Variants in CFAP99 observed in about 807,000 individuals in gnomAD.
The protein encoded by CFAP99 is cilia- and flagella-associated protein 99.
A neutral mutation model predicts 82.7 loss-of-function variants in CFAP99; 84 were observed. The observed-to-expected ratio is 1.02, with a 90% CI of 0.85 to 1.22. The LOEUF is 1.22. Among genes scored for constraint, CFAP99 ranks in the 50% most tolerant of loss-of-function variants. The pLI is 0.00. For missense variants in CFAP99, 1,059 were observed against 983.5 expected (o/e 1.08, Z -1.03); for synonymous variants, 456 against 429.5 (o/e 1.06, Z -0.76).
exon 2 of CFAP99, chr4:2,426,460 C>T: frequency 1.3e-6 from 2 of 1,518,810 alleles, no homozygotes; most frequent in Non-Finnish European, 8.8e-7. Flanking sequence ...TGTTCTTAGG[C>T]TTCTGCCCTA....
chr4:2,423,922 G>A (rs1410696183), intron 1 of CFAP99, among the ~76,000 whole-genome samples: 8 of 152,238 alleles, frequency 5.3e-5, no homozygotes, highest in Admixed American at 5.2e-4. Context: ...CCCAGGGCAG[G>A]CTCCCGGGCA....
intron 2 of CFAP99, among the ~76,000 whole-genome samples, chr4:2,431,228 G>A (rs2108714223): frequency 6.6e-6 from 1 of 151,854 alleles, no homozygotes; most frequent in South Asian, 2.1e-4. Context: ...AATTAGCCAG[G>A]CATGGTGGCG....
intron 11 of CFAP99, among the ~76,000 whole-genome samples, chr4:2,455,238 A>T (rs1036347081): frequency 6.6e-6 from 1 of 152,276 alleles, no homozygotes; most frequent in African/African-American, 2.4e-5. Flanking sequence ...ATCCTTTATA[A>T]TAGATTGTTG....
chr4:2,443,616 G>A (rs1560384263), intron 5 of CFAP99, among the ~76,000 whole-genome samples: 3 of 152,208 alleles, frequency 2.0e-5, no homozygotes, highest in Non-Finnish European at 4.4e-5. Flanking sequence ...TAGTCCTGTG[G>A]GGACTCTGCA....
rs931261371 is a variant in CFAP99 at position 2,449,530 on chromosome 4, C to T, written c.643-140C>T. The T allele has an allele frequency of 5.5e-6, 4 of 720,922 alleles. No individual in the cohort carries two copies. In the African/African-American group the frequency reaches 7.0e-5, roughly 13 times the overall value. 44.7% of individuals were successfully genotyped at this position (720,922 alleles called of 1,614,324 possible). On this transcript the variant is annotated intron_variant, in intron 6 of 14. Coordinates refer to ENST00000635017, the Ensembl canonical transcript of CFAP99. ...CACCAGCACCCGGTGGTGTTAGCTC[C>T]AGCCCTGTTTCTCCTCCAATGCAGG... is the stretch of plus-strand genomic sequence containing the variant.
chr4:2,450,983 C>A (rs1417042135), exon 9 of CFAP99: 1 of 1,536,028 alleles, frequency 6.5e-7, no homozygotes, highest in Admixed American at 2.0e-5. Context: ...GTTCCCACCC[C>A]GAATCCGAAA....
At chr4:2,422,309 A>C (rs1733601334) in intron 1 of CFAP99, among the ~76,000 whole-genome samples, 1 of 152,178 alleles carries the variant, frequency 6.6e-6, no homozygotes, top group South Asian at 2.1e-4. Flanking sequence ...ACAGTGAACC[A>C]GGGTTCCAGG....
At position 2,462,543 on chromosome 4, in the gene CFAP99, C is replaced by G; in HGVS notation, c.1762C>G (p.Arg588Gly). 6.8e-7 allele frequency: 1 copy of G among 1,468,044 alleles called. No individual in the cohort carries two copies. The highest frequency in any genetic ancestry group is 9.0e-7 in the Non-Finnish European group (1 of 1,117,182). The allele number at this position is 1,468,044 out of a possible 1,614,324, so 90.9% of individuals were successfully genotyped here. A position where few individuals can be genotyped will look rare whatever the true frequency, so the allele number is the denominator to read the frequency against. ...CAGGATCTCGGAGAGGGCGGCCGAG[C>G]GCAGCAGGCAGGCGGCCTTGCTGCA... is the stretch of plus-strand genomic sequence containing the variant. Residue 588 changes from arginine (R) to glycine (G), a missense_variant, in exon 15 of 15, where the codon CGC (arginine) becomes GGC (glycine). Transcript: ENST00000635017. The surrounding 1 kb of genome is among the most constrained non-coding windows in gnomAD (Gnocchi z 4.1).
intron 13 of CFAP99, among the ~76,000 whole-genome samples, chr4:2,459,783 A>T (rs1382550569): frequency 6.6e-6 from 1 of 152,128 alleles, no homozygotes; most frequent in Non-Finnish European, 1.5e-5. Flanking sequence ...GGCTGGGGAG[A>T]TAGTCATGAG....
rs1239043744 is a variant in CFAP99 at position 2,426,441 on chromosome 4, T to C, written c.-17-18T>C. 6.8e-7 allele frequency: 1 copy of C among 1,480,426 alleles called. No individual in the cohort carries two copies. Among genetic ancestry groups the C allele is most frequent in the Non-Finnish European group, 9.1e-7 (1 of 1,096,524 alleles). The allele number at this position is 1,480,426 out of a possible 1,614,324, so 91.7% of individuals were successfully genotyped here. A position where few individuals can be genotyped will look rare whatever the true frequency, so the allele number is the denominator to read the frequency against. ...CATCCCAGGTGTGGAGGGCGTGACC[T>C]GCACGGTTTGTTCTTAGGCTTCTGC... On this transcript the variant is annotated intron_variant, in intron 1 of 14. Transcript: ENST00000635017.
rs1364599149 is a variant in CFAP99 at position 2,445,138 on chromosome 4, C to T, written c.472C>T (p.Pro158Ser). 15 of 1,358,126 alleles carry T rather than the reference C, an allele frequency of 1.1e-5. No individual in the cohort carries two copies. The East Asian group carries it at 4.1e-4, about 37-fold the overall frequency. 84.1% of individuals were successfully genotyped at this position (1,358,126 alleles called of 1,614,324 possible). A position where few individuals can be genotyped will look rare whatever the true frequency, so the allele number is the denominator to read the frequency against. ...TCCACTTTTGCCTTCAAGATGGCAG[C>T]CAGAGGTCCAGGAGCTGATCAACCA... The change falls in exon 6 of 15, where the codon CCA (proline) becomes TCA (serine). Residue 158 changes from proline to serine, a missense_variant. Physicochemically the swap from Pro to Ser is moderately conservative, Grantham distance 74. Coordinates refer to ENST00000635017, the Ensembl canonical transcript of CFAP99.
At chr4:2,460,087 G>A in exon 14 of CFAP99, 2 of 1,536,102 alleles carry the variant, frequency 1.3e-6, no homozygotes, top group Non-Finnish European at 1.7e-6. Flanking sequence ...AGCTGCGAGA[G>A]CGGCTGGCCC....
At chr4:2,435,555 A>C (rs569736965) in intron 2 of CFAP99, among the ~76,000 whole-genome samples, 1 of 152,228 alleles carries the variant, frequency 6.6e-6, no homozygotes, top group Admixed American at 6.5e-5. Flanking sequence ...TTAATCATTT[A>C]CAGTATCGTA....
At chr4:2,422,989 A>G (rs1733613860) in intron 1 of CFAP99, among the ~76,000 whole-genome samples, 1 of 152,140 alleles carries the variant, frequency 6.6e-6, no homozygotes, top group Admixed American at 6.5e-5. Context: ...ATTTTTTTGT[A>G]GAGAAGTCCC....
rs772561157 is a variant in CFAP99, at chr4:2,462,027, C to G, written c.1662-416C>G. On this transcript the variant is annotated intron_variant, in intron 14 of 14. Coordinates refer to ENST00000635017, the Ensembl canonical transcript of CFAP99. The surrounding 1 kb of genome is among the most constrained non-coding windows in gnomAD (Gnocchi z 4.1). ...AAAAAAGCTGCTAGGCGCCGTGGCT[C>G]ACGCCTGTAATCCCAGCATTTTGGG... Among the ~76,000 whole-genome samples the G allele has an allele frequency of 1.3e-5, 2 of 151,418 alleles. No individual in the cohort carries two copies. The highest frequency in any genetic ancestry group is 2.9e-5 in the Non-Finnish European group (2 of 67,904).
At chr4:2,441,758 C>T (rs1201162095) in intron 4 of CFAP99, among the ~76,000 whole-genome samples, 13 of 152,066 alleles carry the variant, frequency 8.5e-5, no homozygotes, top group Non-Finnish European at 1.9e-4. Context: ...CTCGGGGCTC[C>T]AGGAAGAGGC....
intron 11 of CFAP99, among the ~76,000 whole-genome samples, chr4:2,458,329 C>A (rs1734483688): frequency 6.6e-6 from 1 of 152,134 alleles, no homozygotes. Flanking sequence ...TACAGAAAAG[C>A]CGTAAATATA....
chr4:2,460,980 G>C (rs1191760758), intron 14 of CFAP99, among the ~76,000 whole-genome samples: 4 of 152,164 alleles, frequency 2.6e-5, no homozygotes, highest in African/African-American at 7.2e-5. Context: ...CTCGTGATCT[G>C]CCCGCCTTGG....
intron 5 of CFAP99, among the ~76,000 whole-genome samples, chr4:2,444,049 G>A (rs1734108101): frequency 1.3e-5 from 2 of 152,182 alleles, no homozygotes; most frequent in African/African-American, 2.4e-5. Context: ...TGGAGGCCCA[G>A]GGGAGATGGA....
Sources: allele counts gnomAD v4.1 joint callset (sites outside exome capture counted in the v4.1 genomes callset), GRCh38; gene constraint gnomAD v4.1.1; non-coding constraint Gnocchi (gnomAD v3.1); transcripts MANE v1.5; gene names NCBI Gene and HGNC (gene_info 2026-07-23, HGNC 2026-07-21).